The following USP49 variants were observed in gnomAD, a reference collection of about 807,000 sequenced individuals.
USP49 encodes ubiquitin specific peptidase 49.
Under a neutral mutation model 58.6 loss-of-function variants are expected in USP49, and 24 were observed. The ratio of observed to expected loss-of-function variants is 0.41; its 90% CI spans 0.30 to 0.58. The LOEUF is 0.58. USP49 is among the 20% of genes least tolerant of loss of function. The pLI, the probability that USP49 is intolerant of heterozygous loss-of-function variation, is 0.30. For synonymous variants in USP49, 408 were observed against 365.1 expected, an observed-to-expected ratio of 1.12 and a Z score of -1.34; for missense variants, 703 against 866.1, an observed-to-expected ratio of 0.81 and a Z score of 2.36.
At chr6:41,813,916 C>G (rs1419598793) in intron 3 of USP49, among the ~76,000 whole-genome samples, 3 of 152,230 alleles carry the variant, frequency 2.0e-5, no homozygotes, top group Middle Eastern at 3.2e-3. Flanking sequence ...AGTCACCTCT[C>G]ACACATACTC....
chr6:41,818,097 T>G (rs547435216), intron 3 of USP49, among the ~76,000 whole-genome samples: 5 of 152,320 alleles, frequency 3.3e-5, no homozygotes, highest in Admixed American at 3.3e-4. Context: ...GATCTCCTGG[T>G]GATCAAGATC....
intron 3 of USP49, among the ~76,000 whole-genome samples, chr6:41,853,605 A>T (rs553061859): frequency 2.0e-5 from 3 of 152,360 alleles, no homozygotes; most frequent in Non-Finnish European, 2.9e-5. Flanking sequence ...CTGACCTCAG[A>T]GTTTACAATC....
Position 41,805,850 on chromosome 6 carries a change from G to A in USP49, c.1134C>T (p.Pro378=). The change falls in exon 4 of 8, where the codon CCC becomes CCT. Residue 378 remains proline (P), a synonymous_variant. Coordinates refer to ENST00000682992, the MANE Select transcript of USP49 (RefSeq NM_001286554.2). The part of the protein sequence containing the change: ...MWSGKWALVS[P]FAMLHSVWSL... ...TCCACACTGAGTGGAGCATGGCGAA[G>A]GGCGACACTAGGGCCCACTTCCCGG... 1.9e-6 allele frequency: 3 copies of A among 1,614,034 alleles called. No homozygotes were observed. Among genetic ancestry groups the A allele is most frequent in the Non-Finnish European group, 2.5e-6 (3 of 1,180,022 alleles).
intron 3 of USP49, among the ~76,000 whole-genome samples, chr6:41,871,079 C>CG (rs1774405487): frequency 1.3e-5 from 2 of 151,680 alleles, no homozygotes; most frequent in Non-Finnish European, 2.9e-5. Context: ...AAAAGAATTC[C>CG]GGGCCTCAAG....
intron 3 of USP49, among the ~76,000 whole-genome samples, chr6:41,855,181 G>A (rs1487665815): frequency 6.6e-6 from 1 of 151,062 alleles, no homozygotes; most frequent in Non-Finnish European, 1.5e-5. Flanking sequence ...CTGCTATAGA[G>A]ACTTTTTTTT....
intron 3 of USP49, among the ~76,000 whole-genome samples, chr6:41,846,826 C>T (rs1687586115): frequency 6.6e-6 from 1 of 152,214 alleles, no homozygotes; most frequent in Admixed American, 6.5e-5. Context: ...ACCGTGTGTC[C>T]AACATTCTGG....
At chr6:41,831,099 A>G (rs1773625483) in intron 3 of USP49, among the ~76,000 whole-genome samples, 1 of 152,106 alleles carries the variant, frequency 6.6e-6, no homozygotes, top group African/African-American at 2.4e-5. Flanking sequence ...TCTACTAAAA[A>G]TACAAAAAAT....
chr6:41,836,151 G>A (rs1359194510), intron 3 of USP49, among the ~76,000 whole-genome samples: 4 of 152,074 alleles, frequency 2.6e-5, no homozygotes, highest in Non-Finnish European at 5.9e-5. Context: ...CTGGAAGGGA[G>A]TTGAAAAAGA....
chr6:41,851,781 C>T (rs992833519), intron 3 of USP49, among the ~76,000 whole-genome samples: 4 of 151,036 alleles, frequency 2.6e-5, no homozygotes, highest in Admixed American at 2.6e-4. Flanking sequence ...GGTGAAACCC[C>T]ATCTCTACTA....
intron 3 of USP49, among the ~76,000 whole-genome samples, chr6:41,847,204 G>C (rs116330884): frequency 0.011 from 1,652 of 152,286 alleles, 28 homozygotes; most frequent in South Asian, 0.046. Flanking sequence ...AAGAAATGCA[G>C]ATCTGTGAGC....
At chr6:41,894,716 C>G (rs1047855028) in intron 1 of USP49, among the ~76,000 whole-genome samples, 2 of 152,016 alleles carry the variant, frequency 1.3e-5, no homozygotes, top group African/African-American at 4.8e-5. Context: ...CCTTCAAACC[C>G]CTGCTCTTAC....
At chr6:41,883,813 T>C (rs1452271363) in intron 2 of USP49, among the ~76,000 whole-genome samples, 1 of 152,036 alleles carries the variant, frequency 6.6e-6, no homozygotes, top group African/African-American at 2.4e-5. Context: ...CTCCTGGGTC[T>C]GTGCCCCTGA....
chr6:41,833,698 G>A (rs1290823355), intron 3 of USP49, among the ~76,000 whole-genome samples: 1 of 152,170 alleles, frequency 6.6e-6, no homozygotes. Flanking sequence ...ATAAGGCAAA[G>A]GTGGACAAGA....
intron 3 of USP49, among the ~76,000 whole-genome samples, chr6:41,844,556 G>A (rs541737570): frequency 3.3e-5 from 5 of 152,038 alleles, no homozygotes; most frequent in East Asian, 2.0e-4. Flanking sequence ...CTCATGATCC[G>A]CCTGTCTTGG....
chr6:41,870,265 G>T (rs1316176271), intron 3 of USP49, among the ~76,000 whole-genome samples: 1 of 152,132 alleles, frequency 6.6e-6, no homozygotes, highest in African/African-American at 2.4e-5. Flanking sequence ...TATATCCAAG[G>T]AATTGAGGCA....
intron 2 of USP49, among the ~76,000 whole-genome samples, chr6:41,885,364 G>A (rs1031037877): frequency 6.6e-6 from 1 of 152,112 alleles, no homozygotes; most frequent in African/African-American, 2.4e-5. Flanking sequence ...GTCTCCTAAT[G>A]AAAGGCCACA....
chr6:41,883,404 C>T (rs2127364099), intron 2 of USP49, among the ~76,000 whole-genome samples: 1 of 150,332 alleles, frequency 6.7e-6, no homozygotes, highest in South Asian at 2.1e-4. Flanking sequence ...CGCTTGTAAT[C>T]CCAGCACTTT....
intron 3 of USP49, among the ~76,000 whole-genome samples, chr6:41,818,664 G>A (rs544911637): frequency 3.9e-5 from 6 of 152,226 alleles, no homozygotes; most frequent in South Asian, 2.1e-4. Context: ...AGCTCTGTCC[G>A]CACCTTGGTC....
At chr6:41,799,060 G>A (rs1772945677) in intron 6 of USP49, 131 bp from the exon 7 acceptor site, 33 of 1,111,118 alleles carry the variant, frequency 3.0e-5, no homozygotes, top group Non-Finnish European at 3.9e-5. Flanking sequence ...CAATAAAATG[G>A]TGGTAATCAA....
Sources: gnomAD v4.1 joint callset for allele counts (sites outside exome capture counted in the v4.1 genomes callset) on GRCh38, gnomAD v4.1.1 for gene constraint, MANE v1.5 for transcripts, NCBI Gene and HGNC (gene_info 2026-07-23, HGNC 2026-07-21) for gene names.